COL4A2: variants seen among roughly 807,000 people sequenced by gnomAD.
COL4A2 encodes collagen alpha-2(IV) chain.
A neutral mutation model predicts 200.2 loss-of-function variants in COL4A2; 99 were observed. The ratio of observed to expected loss-of-function variants is 0.49; its 90% CI spans 0.42 to 0.58. The LOEUF (loss-of-function observed/expected upper bound fraction) is 0.58, where lower values mean the gene tolerates loss of function less well. COL4A2 is among the 20% of genes least tolerant of loss of function. The pLI is 0.00. For missense variants in COL4A2, 1,950 were observed against 2,314.1 expected (o/e 0.84, Z 3.23); for synonymous variants, 897 against 900.6 (o/e 1.00, Z 0.07).
Position 110,428,541 on chromosome 13 carries a change from TCCACAGGGGCCCCCCGG to T in COL4A2, c.437_453del (p.Pro146LeufsTer2), listed in dbSNP as rs746854844. 6.3e-7 allele frequency: 1 copy of T among 1,579,932 alleles called. No homozygotes were observed. Among genetic ancestry groups the T allele is most frequent in the Non-Finnish European group, 8.6e-7 (1 of 1,167,678 alleles). On this transcript the variant is annotated frameshift_variant, in exon 7 of 48. Transcript: ENST00000360467. LOFTEE classifies it high-confidence loss of function. ...GCAACGGAACCCAGGGAGACTCAGG[TCCACAGGGGCCCCCCGG>T]CTCTGAGGGGTTCACCGGGCCTCCC...
At chr13:110,485,114 G>A (rs375970061) in intron 33 of COL4A2, 87 bp downstream of exon 33, 31 of 1,220,722 alleles carry the variant, frequency 2.5e-5, no homozygotes, top group African/African-American at 2.4e-4. Context: ...CCCCAGAGAC[G>A]CCCGTGCCCT....
chr13:110,476,662 G>A (rs1882716263), intron 29 of COL4A2, among the ~76,000 whole-genome samples: 1 of 152,224 alleles, frequency 6.6e-6, no homozygotes, highest in South Asian at 2.1e-4. Context: ...ACTGTAAAGT[G>A]GTGGCAGGAG....
At chr13:110,479,382 G>A (rs1027867453) in intron 30 of COL4A2, among the ~76,000 whole-genome samples, 4 of 8,800 alleles carry the variant, frequency 4.5e-4, no homozygotes, top group African/African-American at 9.7e-4. Flanking sequence ...AAGGGGAGAA[G>A]TACCTGGTGC....
chr13:110,334,197 C>G (rs1323596514), intron 3 of COL4A2, among the ~76,000 whole-genome samples: 1 of 152,252 alleles, frequency 6.6e-6, no homozygotes, highest in Admixed American at 6.5e-5. Flanking sequence ...CTGAATAGCG[C>G]ATGCCCTTAG....
chr13:110,417,768 G>A (rs1195391997), intron 4 of COL4A2, among the ~76,000 whole-genome samples: 1 of 152,094 alleles, frequency 6.6e-6, no homozygotes, highest in Non-Finnish European at 1.5e-5. Flanking sequence ...TTGAGATTCA[G>A]CCTCAACTGC....
intron 20 of COL4A2, 50 bp from the exon 21 acceptor site, chr13:110,457,293 C>T (rs1881799684): frequency 9.4e-7 from 1 of 1,059,318 alleles, no homozygotes; most frequent in East Asian, 2.4e-5. Context: ...CTGCGTGGGA[C>T]CCCAGGCGTC....
intron 12 of COL4A2, 105 bp from the exon 13 acceptor site, chr13:110,436,164 A>G (rs764022917): frequency 6.6e-7 from 1 of 1,519,910 alleles, no homozygotes; most frequent in Non-Finnish European, 9.1e-7. Context: ...GGTAAGTAAT[A>G]TGCAAACATT....
At chr13:110,308,185 C>A (rs1884855518) in intron 3 of COL4A2, 62 bp downstream of exon 3, 5 of 1,587,206 alleles carry the variant, frequency 3.2e-6, no homozygotes, top group Non-Finnish European at 4.3e-6. Context: ...GTTTGAGTGG[C>A]CTTGGAGAAG....
intron 18 of COL4A2, among the ~76,000 whole-genome samples, chr13:110,448,133 A>G (rs1041092663): frequency 1.2e-4 from 19 of 152,302 alleles, no homozygotes; most frequent in African/African-American, 4.6e-4. Context: ...TGGCTACCAA[A>G]CCTGAGACCC....
chr13:110,500,434 T>C (rs1198841808), intron 40 of COL4A2, among the ~76,000 whole-genome samples: 1 of 152,200 alleles, frequency 6.6e-6, no homozygotes, highest in Non-Finnish European at 1.5e-5. Context: ...TCCACACTGA[T>C]TTCTACCCAC....
rs4773186 is a variant in COL4A2 at position 110,459,035 on chromosome 13, G to A, written c.1596+101G>A. ...TCCTAAGTTTACACAGCTTCAGACC[G>A]GCAACACTCATGGACCCAAGGCATG... On this transcript the variant is annotated intron_variant, in intron 22 of 47. Coordinates refer to ENST00000360467, the MANE Select transcript of COL4A2 (RefSeq NM_001846.4). 894,762 of 1,209,436 alleles carry A rather than the reference G, an allele frequency of 0.74. 333,859 individuals carry two copies. The highest frequency in any genetic ancestry group is 0.82 in the Middle Eastern group (2,758 of 3,376). 74.9% of individuals were successfully genotyped at this position (1,209,436 alleles called of 1,614,324 possible).
At chr13:110,431,175 A>T (rs1468441553) in intron 10 of COL4A2, among the ~76,000 whole-genome samples, 1 of 152,180 alleles carries the variant, frequency 6.6e-6, no homozygotes, top group Non-Finnish European at 1.5e-5. Flanking sequence ...CCACTGCGAG[A>T]GCTCCTGACT....
intron 4 of COL4A2, among the ~76,000 whole-genome samples, chr13:110,388,223 G>A (rs1176799309): frequency 6.6e-6 from 1 of 152,184 alleles, no homozygotes; most frequent in African/African-American, 2.4e-5. Flanking sequence ...CCTCCAGGAC[G>A]GCGGCAAGCG....
At chr13:110,493,426 G>T in intron 39 of COL4A2, 144 bp downstream of exon 39, 2 of 792,972 alleles carry the variant, frequency 2.5e-6, no homozygotes, top group South Asian at 1.7e-5. Context: ...GATCGGCCGT[G>T]AGGGGCGGGT....
chr13:110,370,214 A>G (rs990846137), intron 4 of COL4A2, among the ~76,000 whole-genome samples: 1 of 151,224 alleles, frequency 6.6e-6, no homozygotes, highest in Admixed American at 6.6e-5. Context: ...AAAAAAAAGA[A>G]AAAAAAAACA....
At chr13:110,448,086 G>A (rs931489639) in intron 18 of COL4A2, among the ~76,000 whole-genome samples, 2 of 152,136 alleles carry the variant, frequency 1.3e-5, no homozygotes, top group East Asian at 1.9e-4. Context: ...CCGTAACTAC[G>A]AAGCTGGCAT....
intron 18 of COL4A2, among the ~76,000 whole-genome samples, chr13:110,448,604 G>A (rs1244780289): frequency 2.6e-5 from 4 of 152,222 alleles, no homozygotes; most frequent in Non-Finnish European, 5.9e-5. Flanking sequence ...AAAGGATAGA[G>A]GGGTTTGTAT....
At chr13:110,444,676 T>C (rs778515033) in intron 16 of COL4A2, among the ~76,000 whole-genome samples, 3 of 152,228 alleles carry the variant, frequency 2.0e-5, no homozygotes, top group African/African-American at 7.2e-5. Flanking sequence ...ACCTGTGGCA[T>C]CTGGCATTCT....
intron 4 of COL4A2, among the ~76,000 whole-genome samples, chr13:110,422,399 T>G (rs1346068047): frequency 6.6e-6 from 1 of 152,182 alleles, no homozygotes; most frequent in African/African-American, 2.4e-5. Context: ...GGGCCACCCA[T>G]CTTCCATGAG....
Sources: allele counts gnomAD v4.1 joint callset (sites outside exome capture counted in the v4.1 genomes callset), GRCh38; gene constraint gnomAD v4.1.1; transcripts MANE v1.5; gene names NCBI Gene and HGNC (gene_info 2026-07-23, HGNC 2026-07-21).